Variants in UBR2 observed in about 807,000 individuals in gnomAD.
The protein encoded by UBR2 is E3 ubiquitin-protein ligase UBR2.
Under a neutral mutation model 247.9 loss-of-function variants are expected in UBR2, and 92 were observed. That is an observed-to-expected ratio of 0.37 (90% CI 0.31 to 0.44). The LOEUF is 0.44. UBR2 is among the 20% of genes least tolerant of loss of function. UBR2 has a pLI of 1.00. For missense variants in UBR2, 1,613 were observed against 2,112.6 expected, an observed-to-expected ratio of 0.76 and a Z score of 4.64; for synonymous variants, 672 against 693.5, an observed-to-expected ratio of 0.97 and a Z score of 0.49.
At chr6:42,613,328 A>G (rs1794210376) in intron 8 of UBR2, among the ~76,000 whole-genome samples, 1 of 152,216 alleles carries the variant, frequency 6.6e-6, no homozygotes, top group African/African-American at 2.4e-5. Context: ...TTTGTATTGA[A>G]GGGCTTTTAG....
At chr6:42,644,572 C>G (rs1796645172) in intron 20 of UBR2, 36 bp downstream of exon 20, 1 of 1,567,082 alleles carries the variant, frequency 6.4e-7, no homozygotes, top group Admixed American at 1.7e-5. Flanking sequence ...TAATAAATTA[C>G]ACTGACGTTT....
intron 25 of UBR2, among the ~76,000 whole-genome samples, chr6:42,655,207 GTGGCTCAC>G (rs1395156609): frequency 5.9e-5 from 9 of 152,216 alleles, no homozygotes; most frequent in Non-Finnish European, 1.2e-4. Context: ...GCCGGGCATG[GTGGCTCAC>G]GCCTTTAATC....
chr6:42,615,990 T>C lies in UBR2; in HGVS notation c.1094-12T>C. Reference sequence around the variant, plus strand: ...CGTGTCCTTATCTTATACCGTGATCTTTTTCTACAAGGTGCTAGGAGTGTA... The same window carrying C: ...CGTGTCCTTATCTTATACCGTGATCCTTTTCTACAAGGTGCTAGGAGTGTA... On this transcript the variant is annotated splice_polypyrimidine_tract_variant and intron_variant, in intron 9 of 46. Transcript: ENST00000372901. The C allele has an allele frequency of 6.4e-7, 1 of 1,565,582 alleles. No individual in the cohort carries two copies. Among genetic ancestry groups the C allele is most frequent in the Non-Finnish European group, 8.6e-7 (1 of 1,159,378 alleles).
intron 43 of UBR2, 49 bp from the exon 44 acceptor site, chr6:42,684,745 A>C: frequency 6.8e-7 from 1 of 1,463,788 alleles, no homozygotes; most frequent in Non-Finnish European, 9.4e-7. Context: ...TCATAGTATA[A>C]TATGACCTAA....
chr6:42,658,209 A>G, intron 27 of UBR2, 31 bp from the exon 28 acceptor site: 1 of 1,610,364 alleles, frequency 6.2e-7, no homozygotes, highest in Non-Finnish European at 8.5e-7. Context: ...ATCATATTTC[A>G]TACAGGATAC....
chr6:42,615,039 C>A, intron 8 of UBR2, 32 bp from the exon 9 acceptor site: 1 of 1,554,232 alleles, frequency 6.4e-7, no homozygotes, highest in Non-Finnish European at 8.8e-7. Flanking sequence ...TTTGAAGTTG[C>A]TATCTCATTC....
At chr6:42,622,561 C>G (rs1170950525) in intron 11 of UBR2, among the ~76,000 whole-genome samples, 2 of 151,848 alleles carry the variant, frequency 1.3e-5, no homozygotes, top group East Asian at 3.9e-4. Flanking sequence ...GCCACCACAC[C>G]TGGCTAGTTT....
At chr6:42,663,518 T>G in intron 32 of UBR2, 99 bp downstream of exon 32, 167 of 1,171,444 alleles carry the variant, frequency 1.4e-4, no homozygotes, top group Middle Eastern at 2.3e-4. Flanking sequence ...GGCAATTGCA[T>G]AGTGTTTTCC....
At chr6:42,682,926 T>G (rs550188275) in intron 42 of UBR2, 129 bp from the exon 43 acceptor site, 1 of 728,234 alleles carries the variant, frequency 1.4e-6, no homozygotes, top group Admixed American at 3.3e-5. Context: ...TTCTACAGGT[T>G]TCTTTTGATG....
intron 22 of UBR2, 109 bp downstream of exon 22, chr6:42,648,279 G>A (rs1796902246): frequency 2.3e-6 from 2 of 877,130 alleles, no homozygotes; most frequent in Non-Finnish European, 3.7e-6. Flanking sequence ...AGCTTTCAGA[G>A]ATTGACAGAC....
chr6:42,608,958 T>C (rs1471765286), intron 7 of UBR2, among the ~76,000 whole-genome samples: 1 of 152,210 alleles, frequency 6.6e-6, no homozygotes, highest in Non-Finnish European at 1.5e-5. Flanking sequence ...TCTCAACATA[T>C]TCAATTTAAT....
chr6:42,616,283 A>G (rs1286948126), intron 10 of UBR2, among the ~76,000 whole-genome samples, 193 bp downstream of exon 10: 1 of 152,138 alleles, frequency 6.6e-6, no homozygotes, highest in Non-Finnish European at 1.5e-5. Context: ...CTCCTTGTTC[A>G]TCACCTCCTA....
In UBR2 at chr6:42,692,951, A is replaced by G. The variant is rs922551836; in HGVS notation, c.*1778A>G. 1 of 152,166 alleles carries G rather than the reference A, an allele frequency of 6.6e-6. No individual in the cohort carries two copies. Among genetic ancestry groups the G allele is most frequent in the African/African-American group, 2.4e-5 (1 of 41,430 alleles). 9.4% of individuals were successfully genotyped at this position (152,166 alleles called of 1,614,324 possible). On this transcript the variant is annotated 3_prime_UTR_variant, in exon 47 of 47. Coordinates refer to ENST00000372901, the MANE Select transcript of UBR2 (RefSeq NM_001363705.2). Reference sequence around the variant, plus strand: ...CATAAGATCTGGTTGTTTGGGCTGTAGGTGGCATAATTCATGTTTATTTTG... The same window carrying G: ...CATAAGATCTGGTTGTTTGGGCTGTGGGTGGCATAATTCATGTTTATTTTG...
intron 11 of UBR2, among the ~76,000 whole-genome samples, chr6:42,622,405 G>GTTTTTTT (rs112798050): frequency 1.2e-4 from 17 of 138,784 alleles, no homozygotes; most frequent in African/African-American, 4.6e-4. Context: ...TTTTTGGTGG[G>GTTTTTTT]TTTTTTTTTT....
chr6:42,578,969 AC>A (rs1456869047), intron 2 of UBR2, among the ~76,000 whole-genome samples: 27 of 89,806 alleles, frequency 3.0e-4, no homozygotes, highest in Non-Finnish European at 1.1e-4. Context: ...ACACACACAC[AC>A]AAACACACAC....
intron 25 of UBR2, among the ~76,000 whole-genome samples, chr6:42,654,376 G>T (rs1172125222): frequency 6.6e-6 from 1 of 152,162 alleles, no homozygotes; most frequent in African/African-American, 2.4e-5. Context: ...GACAACCACA[G>T]TCATCCCATG....
At chr6:42,615,258 A>G (rs1008145501) in intron 9 of UBR2, 80 bp downstream of exon 9, 40 of 1,090,858 alleles carry the variant, frequency 3.7e-5, no homozygotes, top group Non-Finnish European at 4.9e-5. Context: ...TCATTTGGGA[A>G]GATATTTAAT....
chr6:42,587,400 C>T (rs1411246142), intron 2 of UBR2, among the ~76,000 whole-genome samples: 1 of 151,842 alleles, frequency 6.6e-6, no homozygotes. Flanking sequence ...GTCCATTTCC[C>T]AGGCTGGAGT....
chr6:42,617,544 C>T (rs1794639334), intron 11 of UBR2, 37 bp downstream of exon 11: 1 of 1,532,872 alleles, frequency 6.5e-7, no homozygotes, highest in Non-Finnish European at 8.8e-7. Flanking sequence ...TTCTTGTTTT[C>T]CATTAACAGA....
Sources: allele counts gnomAD v4.1 joint callset (sites outside exome capture counted in the v4.1 genomes callset), GRCh38; gene constraint gnomAD v4.1.1; transcripts MANE v1.5; gene names NCBI Gene and HGNC (gene_info 2026-07-23, HGNC 2026-07-21).